CPNE4: variants seen among roughly 807,000 people sequenced by gnomAD.
CPNE4 encodes copine-4.
In CPNE4, 25 loss-of-function variants were observed where a neutral mutation model predicts 67.9. The observed-to-expected ratio is 0.37, with a 90% confidence interval of 0.27 to 0.51. The LOEUF (loss-of-function observed/expected upper bound fraction) is 0.51. Ranked by LOEUF, CPNE4 falls within the 20% of genes least tolerant of loss-of-function variation. CPNE4 has a pLI of 0.93. For synonymous variants in CPNE4, 242 were observed against 244.9 expected, an observed-to-expected ratio of 0.99 and a Z score of 0.11; for missense variants, 464 against 690.8, an observed-to-expected ratio of 0.67 and a Z score of 3.68.
intron 7 of CPNE4, among the ~76,000 whole-genome samples, chr3:131,627,193 C>CAAAAAAAAA (rs57977015): frequency 2.9e-5 from 2 of 68,352 alleles, no homozygotes; most frequent in Non-Finnish European, 3.5e-5. Context: ...GACTCCATCT[C>CAAAAAAAAA]AAAAAAAAAA....
chr3:132,035,871 A>G (rs1447937793), upstream of CPNE4, among the ~76,000 whole-genome samples: 1 of 152,136 alleles, frequency 6.6e-6, no homozygotes, highest in Non-Finnish European at 1.5e-5. Context: ...AGTGTGTTAC[A>G]TCTAACGTGG....
Position 132,034,706 on chromosome 3 carries a change from T to C in CPNE4, c.-141A>G, listed in dbSNP as rs2074309269. 5.1e-6 allele frequency: 5 copies of C among 985,288 alleles called. No homozygotes were observed. The highest frequency in any genetic ancestry group is 6.0e-6 in the Non-Finnish European group (5 of 829,992). 61.0% of individuals were successfully genotyped at this position (985,288 alleles called of 1,614,324 possible). On this transcript the variant is annotated 5_prime_UTR_variant, in exon 1 of 16. Coordinates refer to ENST00000429747, the MANE Select transcript of CPNE4 (RefSeq NM_130808.3). ...GTACTGATGTAAGGGGCGTCGCACC[T>C]CCTTCCCCTCTCGTCCTCCGAGGTC...
At chr3:131,819,343 A>C (rs2084867342) in intron 2 of CPNE4, among the ~76,000 whole-genome samples, 1 of 152,196 alleles carries the variant, frequency 6.6e-6, no homozygotes, top group Admixed American at 6.5e-5. Flanking sequence ...ATAAGAGAAC[A>C]ATTTGATCTC....
At chr3:131,933,075 T>C (rs1217278103) in intron 1 of CPNE4, among the ~76,000 whole-genome samples, 1 of 151,962 alleles carries the variant, frequency 6.6e-6, no homozygotes, top group Non-Finnish European at 1.5e-5. Context: ...ACAGGAGGAA[T>C]GTGAAGCTTG....
chr3:131,979,801 T>C (rs1456096324), intron 1 of CPNE4, among the ~76,000 whole-genome samples: 2 of 102,416 alleles, frequency 2.0e-5, no homozygotes, highest in African/African-American at 5.3e-5. Context: ...CTGTGTGATT[T>C]ATGCTTTAAA....
chr3:132,012,238 C>T (rs1185534142), intron 1 of CPNE4, among the ~76,000 whole-genome samples: 4 of 150,466 alleles, frequency 2.7e-5, no homozygotes, highest in African/African-American at 7.4e-5. Context: ...GTGCGATCTC[C>T]GCTCACTGCA....
chr3:131,535,295 G>T lies in CPNE4; in HGVS notation c.1574C>A (p.Ala525Asp). 6.2e-7 allele frequency: 1 copy of T among 1,613,814 alleles called. No homozygotes were observed. The highest frequency in any genetic ancestry group is 8.5e-7 in the Non-Finnish European group (1 of 1,179,972). Residue 525 changes from alanine to aspartate, a missense_variant, in exon 16 of 16, where the codon GCT becomes GAT. Around this residue, in one of 6 missense-constraint regions of CPNE4, gnomAD observed 201 missense variants for 357.7 expected, o/e 0.56. Coordinates refer to ENST00000429747, the MANE Select transcript of CPNE4 (RefSeq NM_130808.3). ...SPAALAKSVLAEVPNQVVDYY... is the reference protein window; with the variant it reads ...SPAALAKSVLDEVPNQVVDYY... ...GTCCACAACTTGGTTTGGGACTTCA[G>T]CCAGCACGCTCTTTGCCAGGGCAGC...
At chr3:131,840,368 T>C (rs920731188) in intron 2 of CPNE4, among the ~76,000 whole-genome samples, 2 of 152,238 alleles carry the variant, frequency 1.3e-5, no homozygotes, top group Non-Finnish European at 2.9e-5. Context: ...ACAAATATGT[T>C]GGCTAAATGC....
At chr3:131,792,747 A>ATATATATACACGTGTGTATATATG (rs2083802159) in intron 2 of CPNE4, among the ~76,000 whole-genome samples, 4 of 137,208 alleles carry the variant, frequency 2.9e-5, no homozygotes, top group African/African-American at 1.0e-4. Context: ...GTATATATGT[A>ATATATATACACGTGTGTATATATG]TATATATACA....
intron 7 of CPNE4, among the ~76,000 whole-genome samples, chr3:131,649,298 A>G (rs564030372): frequency 6.6e-6 from 1 of 152,346 alleles, no homozygotes; most frequent in East Asian, 1.9e-4. Flanking sequence ...GTAAGTAACA[A>G]TGGAACACAG....
intron 14 of CPNE4, among the ~76,000 whole-genome samples, chr3:131,549,257 T>A (rs1392398010): frequency 6.6e-6 from 1 of 152,100 alleles, no homozygotes; most frequent in Non-Finnish European, 1.5e-5. Flanking sequence ...AGTATTTTTT[T>A]AAATAAAAAC....
chr3:131,972,104 T>C (rs1212800662), intron 1 of CPNE4, among the ~76,000 whole-genome samples: 2 of 150,908 alleles, frequency 1.3e-5, no homozygotes, highest in Admixed American at 1.3e-4. Flanking sequence ...TCTTATCTTC[T>C]ATCCTTTAGA....
At chr3:131,755,353 A>G (rs2082727794) in intron 2 of CPNE4, among the ~76,000 whole-genome samples, 1 of 152,136 alleles carries the variant, frequency 6.6e-6, no homozygotes, top group South Asian at 2.1e-4. Context: ...CAGTGGTTGC[A>G]ACTACTATGA....
chr3:131,928,935 G>A (rs1222630963), intron 1 of CPNE4, among the ~76,000 whole-genome samples: 10 of 152,164 alleles, frequency 6.6e-5, no homozygotes, highest in Admixed American at 6.5e-5. Context: ...TCTGGATGGT[G>A]TCCTGTAGAG....
At chr3:132,001,923 C>T (rs1163761293) in intron 1 of CPNE4, among the ~76,000 whole-genome samples, 1 of 152,078 alleles carries the variant, frequency 6.6e-6, no homozygotes, top group Non-Finnish European at 1.5e-5. Flanking sequence ...TCCAACTTCC[C>T]TAGATCAGCT....
intron 2 of CPNE4, among the ~76,000 whole-genome samples, chr3:131,750,903 A>G (rs2082609965): frequency 6.6e-6 from 1 of 151,984 alleles, no homozygotes; most frequent in South Asian, 2.1e-4. Flanking sequence ...TCCCTGAAGG[A>G]TATTTTCACT....
intron 2 of CPNE4, among the ~76,000 whole-genome samples, chr3:131,796,472 A>C (rs888691067): frequency 3.9e-4 from 59 of 152,186 alleles, no homozygotes; most frequent in South Asian, 4.1e-4. Flanking sequence ...GCTTTCTGCA[A>C]AGAGGACATG....
At chr3:131,982,030 A>G (rs2072921646) in intron 1 of CPNE4, among the ~76,000 whole-genome samples, 1 of 151,986 alleles carries the variant, frequency 6.6e-6, no homozygotes, top group Non-Finnish European at 1.5e-5. Context: ...GCTAAAACTC[A>G]CAATATGAGC....
intron 2 of CPNE4, among the ~76,000 whole-genome samples, chr3:131,886,099 C>T (rs2087877730): frequency 6.6e-6 from 1 of 152,234 alleles, no homozygotes; most frequent in Non-Finnish European, 1.5e-5. Flanking sequence ...CCTCCCATCA[C>T]CAGCCTGAAG....
Sources: gnomAD v4.1 joint callset for allele counts (sites outside exome capture counted in the v4.1 genomes callset) on GRCh38, gnomAD v4.1.1 for gene constraint, gnomAD v4.1.1 regional missense constraint, MANE v1.5 for transcripts, NCBI Gene and HGNC (gene_info 2026-07-23, HGNC 2026-07-21) for gene names.